The following ROBO2 variants were observed in gnomAD, a reference collection of about 807,000 sequenced individuals.
ROBO2 encodes the protein roundabout guidance receptor 2, also known as roundabout homolog 2.
Under a neutral mutation model 160.8 loss-of-function variants are expected in ROBO2, and 53 were observed. The observed-to-expected ratio is 0.33, with a 90% CI of 0.26 to 0.41. ROBO2 has a LOEUF of 0.41. Among genes scored for constraint, ROBO2 ranks in the 10% least tolerant of loss-of-function variants. The pLI is 1.00. For missense variants in ROBO2, 1,577 were observed against 1,722.4 expected (o/e 0.92, Z 1.49); for synonymous variants, 664 against 611.7 (o/e 1.09, Z -1.26).
At chr3:76,346,947 A>C (rs34687309) in intron 2 of ROBO2, among the ~76,000 whole-genome samples, 9,463 of 152,212 alleles carry the variant, frequency 0.062, 824 homozygotes, top group African/African-American at 0.2. Flanking sequence ...AAGATGATGC[A>C]GTCTGATAGA....
At chr3:76,442,710 C>T (rs923872190) in intron 2 of ROBO2, among the ~76,000 whole-genome samples, 12 of 152,226 alleles carry the variant, frequency 7.9e-5, no homozygotes, top group Middle Eastern at 3.4e-3. Flanking sequence ...CCATTCTGCC[C>T]GGTTAGTGAA....
chr3:77,346,119 G>T (rs2067606488), intron 2 of ROBO2, among the ~76,000 whole-genome samples: 2 of 152,012 alleles, frequency 1.3e-5, no homozygotes, highest in South Asian at 4.2e-4. Context: ...GGCAATTTTG[G>T]CCCCATCATT....
intron 2 of ROBO2, among the ~76,000 whole-genome samples, chr3:76,885,822 A>G (rs943807016): frequency 1.3e-5 from 2 of 152,230 alleles, no homozygotes; most frequent in East Asian, 1.9e-4. Context: ...TTATGCTCAC[A>G]TGGCACATTT....
At chr3:76,470,867 C>A (rs1230190124) in intron 2 of ROBO2, among the ~76,000 whole-genome samples, 1 of 152,138 alleles carries the variant, frequency 6.6e-6, no homozygotes, top group East Asian at 1.9e-4. Flanking sequence ...GTAGTCTTAC[C>A]TTTGACCCCT....
intron 2 of ROBO2, among the ~76,000 whole-genome samples, chr3:76,396,430 T>A (rs1489911728): frequency 1.3e-5 from 2 of 152,286 alleles, no homozygotes; most frequent in African/African-American, 4.8e-5. Context: ...GGATGCCCTC[T>A]CTCACCACTC....
intron 2 of ROBO2, among the ~76,000 whole-genome samples, chr3:76,059,551 C>T (rs546716871): frequency 1.7e-4 from 26 of 152,090 alleles, no homozygotes; most frequent in African/African-American, 6.3e-4. Context: ...TGGATATTAG[C>T]CCTTTGTCAG....
At chr3:76,885,855 C>G (rs558348758) in intron 2 of ROBO2, among the ~76,000 whole-genome samples, 12 of 152,148 alleles carry the variant, frequency 7.9e-5, no homozygotes, top group Admixed American at 7.2e-4. Flanking sequence ...TCATGTTTTC[C>G]TCTTGTTCCT....
chr3:77,368,018 A>G (rs142225039), intron 2 of ROBO2, among the ~76,000 whole-genome samples: 11 of 152,298 alleles, frequency 7.2e-5, no homozygotes, highest in Non-Finnish European at 1.5e-4. Flanking sequence ...TAAATAGTGG[A>G]GTGTTTCTAG....
At chr3:76,058,589 C>CTTTTTTTTTTTTTTTTT (rs10676074) in intron 2 of ROBO2, among the ~76,000 whole-genome samples, 1 of 48,858 alleles carries the variant, frequency 2.0e-5, no homozygotes, top group Non-Finnish European at 3.4e-5. Context: ...ACAGCAGAAA[C>CTTTTTTTTTTTTTTTTT]TTTTTTTTTT....
At chr3:76,077,361 G>A (rs1264719129) in intron 2 of ROBO2, among the ~76,000 whole-genome samples, 3 of 151,996 alleles carry the variant, frequency 2.0e-5, no homozygotes, top group Non-Finnish European at 4.4e-5. Flanking sequence ...TCAGGAGTTC[G>A]AGACCAGCCT....
intron 1 of ROBO2, among the ~76,000 whole-genome samples, chr3:77,043,896 A>G (rs888893838): frequency 6.6e-6 from 1 of 152,180 alleles, no homozygotes; most frequent in African/African-American, 2.4e-5. Flanking sequence ...TAAATATAGT[A>G]AAGATAATGT....
In ROBO2 at chr3:76,521,995, A is replaced by G. The variant is rs370349143; in HGVS notation, c.110-576019A>G. Among the ~76,000 whole-genome samples, 4 of 152,110 alleles carry G rather than the reference A, an allele frequency of 2.6e-5. No individual in the cohort carries two copies. The East Asian group carries it at 5.8e-4, about 22-fold the overall frequency. On this transcript the variant is annotated intron_variant, in intron 2 of 26. Transcript: ENST00000487694. Reference sequence around the variant, plus strand: ...TGATCAAATCAGAATAAATAAATCAACTTGATTTATGTTTTTGTTTTTCAA... The same window carrying G: ...TGATCAAATCAGAATAAATAAATCAGCTTGATTTATGTTTTTGTTTTTCAA...
intron 2 of ROBO2, among the ~76,000 whole-genome samples, chr3:76,614,309 G>C (rs1384596257): frequency 6.6e-6 from 1 of 152,028 alleles, no homozygotes; most frequent in African/African-American, 2.4e-5. Context: ...GTGATCAATA[G>C]AAATAATATC....
At chr3:76,950,654 C>T (rs188922553) in intron 2 of ROBO2, among the ~76,000 whole-genome samples, 104 of 152,256 alleles carry the variant, frequency 6.8e-4, no homozygotes, top group Non-Finnish European at 8.1e-4. Context: ...TGACAGGATA[C>T]GCAGCTGTCT....
intron 2 of ROBO2, among the ~76,000 whole-genome samples, chr3:76,450,758 T>C (rs1273839161): frequency 6.6e-6 from 1 of 152,150 alleles, no homozygotes; most frequent in Admixed American, 6.6e-5. Flanking sequence ...ACTAAAAAAA[T>C]TTGCAAATTT....
chr3:77,216,141 C>T (rs2084910560), intron 2 of ROBO2, among the ~76,000 whole-genome samples: 1 of 152,180 alleles, frequency 6.6e-6, no homozygotes, highest in African/African-American at 2.4e-5. Flanking sequence ...GCAGAGGTTT[C>T]TGCTGCCTTT....
intron 2 of ROBO2, among the ~76,000 whole-genome samples, chr3:77,272,302 C>G (rs2059544134): frequency 6.6e-6 from 1 of 152,100 alleles, no homozygotes; most frequent in Admixed American, 6.6e-5. Context: ...CTCACAGTTC[C>G]ACAAGCTGTA....
At chr3:76,031,407 G>A (rs930486635) in intron 2 of ROBO2, among the ~76,000 whole-genome samples, 2 of 152,148 alleles carry the variant, frequency 1.3e-5, no homozygotes, top group South Asian at 4.1e-4. Flanking sequence ...ATGTTGAATA[G>A]GAGTGGTGAG....
At chr3:76,138,383 G>A (rs1448938689) in intron 2 of ROBO2, among the ~76,000 whole-genome samples, 1 of 151,980 alleles carries the variant, frequency 6.6e-6, no homozygotes, top group Non-Finnish European at 1.5e-5. Context: ...TATCGATATA[G>A]ATTCTAAATG....
Sources: gnomAD v4.1 joint callset for allele counts (sites outside exome capture counted in the v4.1 genomes callset) on GRCh38, gnomAD v4.1.1 for gene constraint, MANE v1.5 for transcripts, NCBI Gene and HGNC (gene_info 2026-07-23, HGNC 2026-07-21) for gene names.